DISC1: variants seen among roughly 807,000 people sequenced by gnomAD.
DISC1 encodes disrupted in schizophrenia 1 protein.
Under a neutral mutation model 84.5 loss-of-function variants are expected in DISC1, and 57 were observed. That is an observed-to-expected ratio of 0.67 (90% CI 0.55 to 0.84). The LOEUF (loss-of-function observed/expected upper bound fraction) is 0.84. Among genes scored for constraint, DISC1 ranks in the 40% least tolerant of loss-of-function variants. The probability of loss-of-function intolerance (pLI) is 0.00; values close to 1 mark genes in which losing one functional copy is unlikely to be tolerated. For missense variants in DISC1, 1,000 were observed against 1,057.8 expected (o/e 0.95, Z 0.76); for synonymous variants, 411 against 415.2 (o/e 0.99, Z 0.12).
At chr1:231,807,781 T>C (rs1403695040) in intron 8 of DISC1, among the ~76,000 whole-genome samples, 1 of 152,180 alleles carries the variant, frequency 6.6e-6, no homozygotes, top group Non-Finnish European at 1.5e-5. Context: ...CAATTGGACC[T>C]GAAAATCTTG....
chr1:231,681,467 AAAAG>A (rs369296503), intron 1 of DISC1, among the ~76,000 whole-genome samples: 258 of 152,148 alleles, frequency 1.7e-3, no homozygotes, highest in African/African-American at 5.9e-3. Context: ...CAGTACAAAA[AAAAG>A]CTTGTGGTCA....
At chr1:231,848,492 G>C (rs190079016) in intron 9 of DISC1, among the ~76,000 whole-genome samples, 1 of 152,270 alleles carries the variant, frequency 6.6e-6, no homozygotes, top group African/African-American at 2.4e-5. Context: ...TGTGATTCAG[G>C]AGGTCCTGGG....
At chr1:232,010,218 G>A (rs530616989) in intron 11 of DISC1, among the ~76,000 whole-genome samples, 3 of 152,300 alleles carry the variant, frequency 2.0e-5, no homozygotes, top group Admixed American at 2.0e-4. Flanking sequence ...TGCTACAGGT[G>A]GAATCCTCCA....
intron 1 of DISC1, among the ~76,000 whole-genome samples, chr1:231,678,608 T>G (rs1186417277): frequency 6.6e-6 from 1 of 152,200 alleles, no homozygotes; most frequent in Admixed American, 6.5e-5. Context: ...GGGGTAGAGA[T>G]AGGCTTAAGG....
chr1:231,970,528 A>G (rs374867231), intron 10 of DISC1, among the ~76,000 whole-genome samples: 1 of 152,202 alleles, frequency 6.6e-6, no homozygotes, highest in Admixed American at 6.5e-5. Flanking sequence ...GAATCTGGGT[A>G]GCACTACAAG....
In DISC1 at chr1:231,979,471, G is replaced by A. The variant is rs183980985; in HGVS notation, c.2042+20583G>A. 7.8e-4 allele frequency among the ~76,000 whole-genome samples: 118 copies of A among 151,176 alleles called. 1 individual carries two copies. In the East Asian group the frequency reaches 0.02, roughly 26 times the overall value. ...GTGTACCAAAAGAACTGATATCACC[G>A]GTTTATACTGTTATTTTCAACTCAA... On this transcript the variant is annotated intron_variant, in intron 10 of 12. Coordinates refer to ENST00000439617, the MANE Select transcript of DISC1 (RefSeq NM_018662.3).
At chr1:231,976,125 A>G (rs1662761226) in intron 10 of DISC1, among the ~76,000 whole-genome samples, 2 of 152,190 alleles carry the variant, frequency 1.3e-5, no homozygotes, top group Admixed American at 6.5e-5. Context: ...TCTCACCAGG[A>G]CAGGTGCCAG....
At chr1:231,993,940 G>A (rs1191284740) in intron 10 of DISC1, among the ~76,000 whole-genome samples, 4 of 152,058 alleles carry the variant, frequency 2.6e-5, no homozygotes, top group East Asian at 1.9e-4. Flanking sequence ...ATTGTTATTC[G>A]AATTTTAAAT....
At chr1:231,660,479 A>T (rs1402872524) in intron 1 of DISC1, among the ~76,000 whole-genome samples, 6 of 151,758 alleles carry the variant, frequency 4.0e-5, no homozygotes, top group East Asian at 1.9e-4. Context: ...AAATATATAT[A>T]TTTTATATTT....
chr1:231,819,663 T>C (rs1180509067), intron 9 of DISC1, among the ~76,000 whole-genome samples: 1 of 152,178 alleles, frequency 6.6e-6, no homozygotes, highest in African/African-American at 2.4e-5. Context: ...TACTAGGGAA[T>C]GACAACACGC....
At chr1:231,853,374 C>G (rs1475857229) in intron 9 of DISC1, among the ~76,000 whole-genome samples, 1 of 152,158 alleles carries the variant, frequency 6.6e-6, no homozygotes, top group African/African-American at 2.4e-5. Flanking sequence ...TACTCCACAC[C>G]CAGGCTACGT....
At chr1:231,812,733 G>A (rs2080429294) in intron 8 of DISC1, among the ~76,000 whole-genome samples, 1 of 152,096 alleles carries the variant, frequency 6.6e-6, no homozygotes, top group South Asian at 2.1e-4. Flanking sequence ...TGAAGATTCA[G>A]GTCACAGATC....
intron 9 of DISC1, among the ~76,000 whole-genome samples, chr1:231,921,087 T>G (rs1285106336): frequency 6.6e-6 from 1 of 151,890 alleles, no homozygotes; most frequent in Admixed American, 6.6e-5. Flanking sequence ...TTTTTTTTTT[T>G]TGTATTTTAG....
intron 1 of DISC1, among the ~76,000 whole-genome samples, chr1:231,628,393 G>C (rs1225777798): frequency 1.3e-5 from 2 of 152,228 alleles, no homozygotes; most frequent in African/African-American, 4.8e-5. Flanking sequence ...AAAGCACCTT[G>C]TGGAGTATGA....
intron 9 of DISC1, among the ~76,000 whole-genome samples, chr1:231,926,845 T>A (rs1267689128): frequency 6.6e-6 from 1 of 152,204 alleles, no homozygotes; most frequent in Non-Finnish European, 1.5e-5. Context: ...CTTCTCATGC[T>A]CCCTTTGTGA....
chr1:232,016,920 T>C (rs1236152648), intron 11 of DISC1, among the ~76,000 whole-genome samples: 2 of 152,176 alleles, frequency 1.3e-5, no homozygotes, highest in African/African-American at 4.8e-5. Context: ...GATAGAGTAA[T>C]AAAGATATAC....
At chr1:231,872,855 G>A (rs1202009201) in intron 9 of DISC1, among the ~76,000 whole-genome samples, 1 of 152,176 alleles carries the variant, frequency 6.6e-6, no homozygotes, top group Non-Finnish European at 1.5e-5. Context: ...TATTTCAGAG[G>A]CAGGTTCCTT....
At chr1:231,744,231 C>T (rs1307949509) in intron 3 of DISC1, among the ~76,000 whole-genome samples, 1 of 152,124 alleles carries the variant, frequency 6.6e-6, no homozygotes, top group South Asian at 2.1e-4. Context: ...AGTAAGTGCT[C>T]ATGGCCCGAG....
At chr1:231,702,534 G>A in intron 3 of DISC1, 11 of 985,542 alleles carry the variant, frequency 1.1e-5, no homozygotes, top group Non-Finnish European at 1.3e-5. Context: ...GCCAAAGGGG[G>A]TCACATGCAT....
Sources: allele counts gnomAD v4.1 joint callset (sites outside exome capture counted in the v4.1 genomes callset), GRCh38; gene constraint gnomAD v4.1.1; transcripts MANE v1.5; gene names NCBI Gene and HGNC (gene_info 2026-07-23, HGNC 2026-07-21).